The following DPP10 variants were observed in gnomAD, a reference collection of about 807,000 sequenced individuals.
The protein encoded by DPP10 is dipeptidyl peptidase like 10.
A neutral mutation model predicts 120.9 loss-of-function variants in DPP10; 33 were observed. The ratio of observed to expected loss-of-function variants is 0.27; its 90% CI spans 0.21 to 0.37. DPP10 has a LOEUF of 0.37. DPP10 is among the 10% of genes least tolerant of loss of function. The probability of loss-of-function intolerance (pLI) is 1.00; values close to 1 mark genes in which losing one functional copy is unlikely to be tolerated. For missense variants in DPP10, 816 were observed against 942.8 expected (o/e 0.87, Z 1.76); for synonymous variants, 337 against 326.1 (o/e 1.03, Z -0.36).
chr2:115,083,503 C>T lies in DPP10; in HGVS notation c.61-225736C>T, dbSNP rs115398850. 7.6e-3 allele frequency among the ~76,000 whole-genome samples: 1,149 copies of T among 151,562 alleles called. 10 individuals are homozygous for T. Among genetic ancestry groups the T allele is most frequent in the African/African-American group, 0.027 (1,104 of 41,418 alleles). On this transcript the variant is annotated intron_variant, in intron 1 of 25. Transcript: ENST00000410059. ...CTAGAGAAACCTGGCATAACACATG[C>T]CTCCCTCCTCATTATATTTGTGTCC...
Position 114,802,452 on chromosome 2 carries a change from A to G in DPP10, c.60+359614A>G, listed in dbSNP as rs1050329653. ...GCCTCTTGTATTAAAAATAAAACCT[A>G]TAAATATCACTTCATTAGTAGGATT... On this transcript the variant is annotated intron_variant, in intron 1 of 25. Coordinates refer to ENST00000410059, the MANE Select transcript of DPP10 (RefSeq NM_020868.6). Among the ~76,000 whole-genome samples, 7 of 152,160 alleles carry G rather than the reference A, an allele frequency of 4.6e-5. No homozygotes were observed. In the South Asian group the frequency reaches 1.4e-3, roughly 31 times the overall value.
chr2:114,796,881 G>C (rs1449531754), intron 1 of DPP10, among the ~76,000 whole-genome samples: 4 of 152,190 alleles, frequency 2.6e-5, no homozygotes, highest in Non-Finnish European at 4.4e-5. Context: ...TGAAGGACCA[G>C]AGTCTCTGTG....
At chr2:115,298,153 A>G (rs750128684) in intron 1 of DPP10, among the ~76,000 whole-genome samples, 3 of 152,088 alleles carry the variant, frequency 2.0e-5, no homozygotes, top group Non-Finnish European at 4.4e-5. Flanking sequence ...TGTTATGGAT[A>G]CAGAAATGAG....
chr2:115,459,600 C>T (rs1401436608), intron 3 of DPP10, among the ~76,000 whole-genome samples: 1 of 151,908 alleles, frequency 6.6e-6, no homozygotes, highest in African/African-American at 2.4e-5. Flanking sequence ...CAATTTAATT[C>T]TTTGGGAGTG....
chr2:115,833,388 C>T (rs752091133), intron 21 of DPP10, among the ~76,000 whole-genome samples: 11 of 152,088 alleles, frequency 7.2e-5, no homozygotes, highest in African/African-American at 1.9e-4. Context: ...GTCTTGCCTA[C>T]GGGAAATACT....
intron 1 of DPP10, among the ~76,000 whole-genome samples, chr2:114,620,771 TACTTATAATGG>T (rs1694032819): frequency 6.6e-6 from 1 of 152,054 alleles, no homozygotes; most frequent in Admixed American, 6.6e-5. Context: ...CCTTTATCTA[TACTTATAATGG>T]ACTTTTCACT....
At chr2:114,845,885 T>G (rs979394344) in intron 1 of DPP10, among the ~76,000 whole-genome samples, 2 of 152,192 alleles carry the variant, frequency 1.3e-5, no homozygotes, top group Non-Finnish European at 2.9e-5. Context: ...TTAAACCTCT[T>G]TATTTCCCTA....
chr2:114,449,364 C>T (rs1199273134), intron 1 of DPP10, among the ~76,000 whole-genome samples: 1 of 152,040 alleles, frequency 6.6e-6, no homozygotes, highest in Admixed American at 6.6e-5. Flanking sequence ...CATAATATTA[C>T]ATTAGCAGAA....
intron 1 of DPP10, among the ~76,000 whole-genome samples, chr2:114,724,083 G>T (rs2105916725): frequency 6.6e-6 from 1 of 152,326 alleles, no homozygotes; most frequent in South Asian, 2.1e-4. Flanking sequence ...ACTGATGTTG[G>T]AAAGCCAAAT....
At chr2:114,969,472 TCA>T (rs1334515604) in intron 1 of DPP10, among the ~76,000 whole-genome samples, 3 of 152,206 alleles carry the variant, frequency 2.0e-5, no homozygotes, top group Admixed American at 6.5e-5. Flanking sequence ...TGGTGTGTAT[TCA>T]CACACACTCA....
At position 115,753,225 on chromosome 2, in the gene DPP10, A is replaced by G. The variant is rs1468794282; in HGVS notation, c.1002A>G (p.Val334=). The change falls in exon 11 of 26, where the codon GTA becomes GTG. Residue 334 remains valine (V), a synonymous_variant. Transcript: ENST00000410059. Reference sequence around the variant, plus strand: ...GGGTAAGCAATACCAAGACTGTGGTAAGATGGTTAAACCGAGCTCAGAACA... The same window carrying G: ...GGGTAAGCAATACCAAGACTGTGGTGAGATGGTTAAACCGAGCTCAGAACA... ...VKWVSNTKTV[V]RWLNRAQNIS... The G allele has an allele frequency of 6.2e-6, 10 of 1,612,192 alleles. No individual in the cohort carries two copies. The highest frequency in any genetic ancestry group is 8.5e-6 in the Non-Finnish European group (10 of 1,178,818).
intron 1 of DPP10, chr2:114,833,665 C>G (rs1382579007): frequency 6.6e-6 from 1 of 152,174 alleles, no homozygotes; most frequent in Non-Finnish European, 1.5e-5. Context: ...CAGCTGATGC[C>G]TCTAAGCCTC....
chr2:115,589,883 C>T (rs1303322290), intron 5 of DPP10, among the ~76,000 whole-genome samples: 1 of 152,136 alleles, frequency 6.6e-6, no homozygotes, highest in Non-Finnish European at 1.5e-5. Flanking sequence ...AACAGACAGT[C>T]ATGCATATCG....
intron 3 of DPP10, among the ~76,000 whole-genome samples, chr2:115,357,121 T>G (rs186345725): frequency 2.5e-4 from 38 of 152,334 alleles, no homozygotes; most frequent in Admixed American, 1.8e-3. Context: ...AATGCAGTAT[T>G]TGATTTGTTC....
At position 115,307,809 on chromosome 2, in the gene DPP10, A is replaced by G. The variant is rs536405139; in HGVS notation, c.61-1430A>G. Among the ~76,000 whole-genome samples, 4 of 152,262 alleles carry G rather than the reference A, an allele frequency of 2.6e-5. No individual in the cohort carries two copies. The South Asian group carries it at 8.3e-4, about 32-fold the overall frequency. On this transcript the variant is annotated intron_variant, in intron 1 of 25. Transcript: ENST00000410059. ...CAAGGCAACTATTGACTGTCTTTAT[A>G]TCACTTCTCTAAAGCTGATAATTTG...
At chr2:115,124,626 C>T (rs1013014982) in intron 1 of DPP10, among the ~76,000 whole-genome samples, 1 of 152,158 alleles carries the variant, frequency 6.6e-6, no homozygotes, top group African/African-American at 2.4e-5. Flanking sequence ...GATCAAATCC[C>T]ATGTTTATGC....
chr2:115,102,264 T>C (rs924120339), intron 1 of DPP10, among the ~76,000 whole-genome samples: 1 of 152,130 alleles, frequency 6.6e-6, no homozygotes, highest in African/African-American at 2.4e-5. Context: ...GCTCCAACCC[T>C]CATGACCATA....
chr2:114,607,605 A>C (rs1002244142), intron 1 of DPP10, among the ~76,000 whole-genome samples: 36 of 152,162 alleles, frequency 2.4e-4, no homozygotes, highest in Admixed American at 1.3e-4. Context: ...TAGTCAACAG[A>C]TTCCTTCACA....
chr2:114,639,310 G>T (rs988640460), intron 1 of DPP10, among the ~76,000 whole-genome samples: 1 of 151,866 alleles, frequency 6.6e-6, no homozygotes, highest in Non-Finnish European at 1.5e-5. Context: ...CGTGAAAACA[G>T]CATGGGAAAG....
Sources: gnomAD v4.1 joint callset for allele counts (sites outside exome capture counted in the v4.1 genomes callset) on GRCh38, gnomAD v4.1.1 for gene constraint, MANE v1.5 for transcripts, NCBI Gene and HGNC (gene_info 2026-07-23, HGNC 2026-07-21) for gene names.